The following TAF15 variants were observed in gnomAD, a reference collection of about 807,000 sequenced individuals.
TAF15 encodes TATA-box binding protein associated factor 15.
A neutral mutation model predicts 102.5 loss-of-function variants in TAF15; 37 were observed. The ratio of observed to expected loss-of-function variants is 0.36; its 90% confidence interval spans 0.28 to 0.47. The LOEUF is 0.47. TAF15 is among the 20% of genes least tolerant of loss of function. The pLI, the probability that TAF15 is intolerant of heterozygous loss-of-function variation, is 0.99. For missense variants in TAF15, 652 were observed against 760.7 expected (o/e 0.86, Z 1.68); for synonymous variants, 273 against 259.2 (o/e 1.05, Z -0.51).
chr17:35,814,618 C>T (rs190705252), intron 1 of TAF15, among the ~76,000 whole-genome samples: 7 of 151,836 alleles, frequency 4.6e-5, no homozygotes, highest in South Asian at 4.2e-4. Flanking sequence ...TTTGGGAGGC[C>T]GAGGCGGGCG....
intron 1 of TAF15, among the ~76,000 whole-genome samples, chr17:35,812,603 A>AAAC (rs2087138196): frequency 6.6e-6 from 1 of 151,656 alleles, no homozygotes; most frequent in South Asian, 2.1e-4. Context: ...AAAAAAAAAA[A>AAAC]AAACCTGAAA....
At chr17:35,830,338 T>A (rs992252770) in intron 7 of TAF15, 1 of 152,164 alleles carries the variant, frequency 6.6e-6, no homozygotes, top group African/African-American at 2.4e-5. Context: ...ACTCTGCCAA[T>A]AAAGTTGAGT....
intron 15 of TAF15, among the ~76,000 whole-genome samples, chr17:35,845,976 C>T (rs1390440185): frequency 6.6e-6 from 1 of 152,156 alleles, no homozygotes; most frequent in Non-Finnish European, 1.5e-5. Context: ...TACTACCCTG[C>T]AGTTGTTTTT....
At chr17:35,819,654 G>T (rs754473735) in intron 2 of TAF15, among the ~76,000 whole-genome samples, 1 of 152,126 alleles carries the variant, frequency 6.6e-6, no homozygotes, top group African/African-American at 2.4e-5. Context: ...CATTTTTTGT[G>T]TAGTCATCAT....
intron 8 of TAF15, chr17:35,834,339 G>A (rs1309377315): frequency 5.7e-6 from 3 of 529,388 alleles, no homozygotes; most frequent in African/African-American, 3.9e-5. Flanking sequence ...ATGCTAAAGT[G>A]GCAGGTGCTG....
At chr17:35,814,250 C>A (rs1288027735) in intron 1 of TAF15, among the ~76,000 whole-genome samples, 1 of 151,860 alleles carries the variant, frequency 6.6e-6, no homozygotes, top group African/African-American at 2.4e-5. Flanking sequence ...ACTGCAAGCT[C>A]CGCCTCCTGG....
chr17:35,841,164 A>G (rs2087538422), intron 11 of TAF15, among the ~76,000 whole-genome samples: 2 of 151,106 alleles, frequency 1.3e-5, no homozygotes, highest in Admixed American at 6.6e-5. Flanking sequence ...ACCAATTGTT[A>G]TATTACTTTG....
Position 35,847,035 on chromosome 17 carries a change from G to C in TAF15, c.*90G>C. ...GCTGCTTTCCTCGTGGCCTCTTCTT[G>C]GGTAGTGAAATTAAGTGACATTTGG... is the stretch of plus-strand genomic sequence containing the variant. On this transcript the variant is annotated 3_prime_UTR_variant, in exon 16 of 16. Transcript: ENST00000605844. The C allele has an allele frequency of 7.5e-7, 1 of 1,325,278 alleles. No homozygotes were observed. Among genetic ancestry groups the C allele is most frequent in the Non-Finnish European group, 1.1e-6 (1 of 918,806 alleles). 82.1% of individuals were successfully genotyped at this position (1,325,278 alleles called of 1,614,324 possible). A position where few individuals can be genotyped will look rare whatever the true frequency, so the allele number is the denominator to read the frequency against.
At chr17:35,821,806 T>C (rs1258749006) in intron 5 of TAF15, among the ~76,000 whole-genome samples, 1 of 152,214 alleles carries the variant, frequency 6.6e-6, no homozygotes, top group Non-Finnish European at 1.5e-5. Flanking sequence ...ACAAAGCAGG[T>C]TCTTTTACTG....
intron 15 of TAF15, among the ~76,000 whole-genome samples, chr17:35,846,350 G>A (rs1033783124): frequency 2.0e-5 from 3 of 152,196 alleles, no homozygotes; most frequent in African/African-American, 7.2e-5. Context: ...CCCAGAGTAA[G>A]CACTATATAA....
rs746776421 is a variant in TAF15 at position 35,829,631 on chromosome 17, C to CAAAAAAA, written c.606-4257_606-4251dup. On this transcript the variant is annotated intron_variant, in intron 7 of 15. Transcript: ENST00000605844. ...TGGGAGACAGAGCGAGACTCCATCT[C>CAAAAAAA]AAAAAAAAAAAAAAAAAAAAAAAAA... Among the ~76,000 whole-genome samples the CAAAAAAA allele has an allele frequency of 3.5e-3, 116 of 33,078 alleles. 2 individuals carry two copies. Among genetic ancestry groups the CAAAAAAA allele is most frequent in the Middle Eastern group, 0.013 (1 of 78 alleles). 21.7% of individuals were successfully genotyped at this position (33,078 alleles called of 152,430 possible). A position where few individuals can be genotyped will look rare whatever the true frequency, so the allele number is the denominator to read the frequency against.
chr17:35,839,705 T>A, intron 11 of TAF15, among the ~76,000 whole-genome samples: 1 of 151,998 alleles, frequency 6.6e-6, no homozygotes. Context: ...TAACAGAAAG[T>A]AGAAGAAATG....
chr17:35,825,348 A>G (rs1441898735), intron 7 of TAF15, among the ~76,000 whole-genome samples: 1 of 152,222 alleles, frequency 6.6e-6, no homozygotes, highest in African/African-American at 2.4e-5. Context: ...ATGCTTCTTC[A>G]TTGTCAAAGA....
intron 7 of TAF15, among the ~76,000 whole-genome samples, chr17:35,825,578 C>G (rs769247204): frequency 6.6e-6 from 1 of 152,166 alleles, no homozygotes; most frequent in Non-Finnish European, 1.5e-5. Context: ...CAGTTACATC[C>G]TAATCGATTA....
Position 35,838,488 on chromosome 17 carries a change from A to T in TAF15, c.848A>T (p.Lys283Met). Residue 283 changes from lysine to methionine, a missense_variant, in exon 11 of 16, where the codon AAG becomes ATG. By Grantham distance (95) the Lys-to-Met change is moderately conservative. This residue lies in a region of TAF15 where 41 missense variants were observed against 109.1 expected (regional missense o/e 0.38). Transcript: ENST00000605844. The part of the protein sequence containing the change: ...LYTDKDTGKP[K>M]GEATVSFDDP... ...ACAGACAAGGACACAGGAAAGCCAAAGGGGGAGGCAACAGTGTCATTTGAT... is the reference window on the plus strand; with the variant it reads ...ACAGACAAGGACACAGGAAAGCCAATGGGGGAGGCAACAGTGTCATTTGAT... The T allele has an allele frequency of 6.2e-7, 1 of 1,614,238 alleles. No individual in the cohort carries two copies. The highest frequency in any genetic ancestry group is 8.5e-7 in the Non-Finnish European group (1 of 1,180,042).
chr17:35,833,657 A>C (rs548639361), intron 7 of TAF15: 1 of 448,102 alleles, frequency 2.2e-6, no homozygotes, highest in East Asian at 3.4e-5. Flanking sequence ...TGGGGTTGGG[A>C]AGATTTAGAA....
intron 7 of TAF15, among the ~76,000 whole-genome samples, chr17:35,826,320 G>A (rs1348232676): frequency 6.6e-6 from 1 of 151,936 alleles, no homozygotes; most frequent in Non-Finnish European, 1.5e-5. Flanking sequence ...AGATGTTCAT[G>A]AAAGGCCTTT....
chr17:35,845,977 A>C (rs2087619131), intron 15 of TAF15, among the ~76,000 whole-genome samples: 1 of 152,200 alleles, frequency 6.6e-6, no homozygotes, highest in African/African-American at 2.4e-5. Flanking sequence ...ACTACCCTGC[A>C]GTTGTTTTTC....
chr17:35,838,630 G>C (rs906407682), intron 11 of TAF15, 77 bp downstream of exon 11: 1 of 1,601,002 alleles, frequency 6.2e-7, no homozygotes, highest in Non-Finnish European at 8.5e-7. Context: ...TATGCTCTGG[G>C]TGACAGTGAT....
Sources: gnomAD v4.1 joint callset for allele counts (sites outside exome capture counted in the v4.1 genomes callset) on GRCh38, gnomAD v4.1.1 for gene constraint, gnomAD v4.1.1 regional missense constraint, MANE v1.5 for transcripts, NCBI Gene and HGNC (gene_info 2026-07-23, HGNC 2026-07-21) for gene names.